The following EXOC6 variants were observed in gnomAD, a reference collection of about 807,000 sequenced individuals.
EXOC6 encodes the protein SEC15-like 1.
A neutral mutation model predicts 112.5 loss-of-function variants in EXOC6; 60 were observed. The ratio of observed to expected loss-of-function variants is 0.53; its 90% CI spans 0.43 to 0.66. EXOC6 has a LOEUF of 0.66. EXOC6 is among the 30% of genes least tolerant of loss of function. The pLI, the probability that EXOC6 is intolerant of heterozygous loss-of-function variation, is 0.00. For synonymous variants in EXOC6, 295 were observed against 308.0 expected, an observed-to-expected ratio of 0.96 and a Z score of 0.44; for missense variants, 855 against 957.1, an observed-to-expected ratio of 0.89 and a Z score of 1.41.
intron 12 of EXOC6, among the ~76,000 whole-genome samples, chr10:92,936,316 C>G (rs906012298): frequency 6.6e-6 from 1 of 152,102 alleles, no homozygotes; most frequent in Non-Finnish European, 1.5e-5. Context: ...AGCTTTAGAT[C>G]CTTATTTGTG....
intron 5 of EXOC6, among the ~76,000 whole-genome samples, chr10:92,908,728 T>C (rs1388408003): frequency 6.6e-6 from 1 of 152,226 alleles, no homozygotes; most frequent in Non-Finnish European, 1.5e-5. Context: ...AACTAAATTA[T>C]GTATATGAAA....
chr10:92,961,055 T>G (rs1400003983), intron 17 of EXOC6, among the ~76,000 whole-genome samples: 1 of 152,186 alleles, frequency 6.6e-6, no homozygotes, highest in African/African-American at 2.4e-5. Context: ...GTAGTAAAGA[T>G]AGAAATTCAG....
intron 5 of EXOC6, chr10:92,901,383 T>C (rs970246218): frequency 6.6e-6 from 1 of 151,978 alleles, no homozygotes. Flanking sequence ...GTTTTATATA[T>C]AAAGAAGAGC....
intron 1 of EXOC6, among the ~76,000 whole-genome samples, chr10:92,877,791 T>C (rs1489071718): frequency 6.6e-6 from 1 of 152,156 alleles, no homozygotes; most frequent in Admixed American, 6.5e-5. Flanking sequence ...TTGAAAAACA[T>C]TTAACAAATT....
intron 1 of EXOC6, among the ~76,000 whole-genome samples, chr10:92,853,737 C>T (rs1201526092): frequency 6.6e-6 from 1 of 151,972 alleles, no homozygotes; most frequent in Non-Finnish European, 1.5e-5. Flanking sequence ...GAAATTAACT[C>T]AAAATGAACC....
chr10:92,840,884 C>T (rs1846823378), intron 1 of EXOC6, among the ~76,000 whole-genome samples: 1 of 152,008 alleles, frequency 6.6e-6, no homozygotes, highest in Admixed American at 6.6e-5. Context: ...TCTTGAACTT[C>T]TGAACTCCAG....
At chr10:93,031,425 A>G (rs844341) in intron 20 of EXOC6, among the ~76,000 whole-genome samples, 6,390 of 150,450 alleles carry the variant, frequency 0.042, 309 homozygotes, top group African/African-American at 0.12. Flanking sequence ...ACTTGTTCTT[A>G]TCTGTGTTCT....
intron 17 of EXOC6, among the ~76,000 whole-genome samples, chr10:92,956,478 A>T (rs1035151385): frequency 6.6e-6 from 1 of 152,148 alleles, no homozygotes; most frequent in Non-Finnish European, 1.5e-5. Context: ...ATTTTATTGT[A>T]GTAACTTGCA....
At position 92,954,711 on chromosome 10, in the gene EXOC6, TA is replaced by T; in HGVS notation, c.1609del (p.Ile537LeufsTer6). ...CTTTGAGTAGCTGTTTACTGAACCT[TA>T]TTAGAAAACCTCATATAGGTTTGAC... ...RTLSSCLLNL[I>X]RKPHIGLTEL... On this transcript the variant is annotated frameshift_variant, in exon 16 of 22. Transcript: ENST00000260762. LOFTEE classifies it high-confidence loss of function. The T allele has an allele frequency of 6.3e-7, 1 of 1,597,070 alleles. No individual in the cohort carries two copies. The highest frequency in any genetic ancestry group is 8.6e-7 in the Non-Finnish European group (1 of 1,166,214).
At chr10:92,972,910 G>T (rs75022459) in intron 17 of EXOC6, among the ~76,000 whole-genome samples, 1 of 152,136 alleles carries the variant, frequency 6.6e-6, no homozygotes. Flanking sequence ...GTATGTGGCC[G>T]TTTAGATGCC....
chr10:92,865,960 A>G (rs1210402954), intron 1 of EXOC6, among the ~76,000 whole-genome samples: 1 of 151,968 alleles, frequency 6.6e-6, no homozygotes, highest in Admixed American at 6.6e-5. Context: ...CATCCTCATC[A>G]TTTTCATGTT....
At chr10:92,920,784 T>C (rs2133909859) in intron 8 of EXOC6, among the ~76,000 whole-genome samples, 1 of 152,332 alleles carries the variant, frequency 6.6e-6, no homozygotes, top group East Asian at 1.9e-4. Flanking sequence ...CAGGTGAATA[T>C]ATGTTTATAA....
At chr10:92,830,873 G>A (rs574712098), upstream of EXOC6, among the ~76,000 whole-genome samples, 2 of 152,116 alleles carry the variant, frequency 1.3e-5, no homozygotes, top group Non-Finnish European at 2.9e-5. Context: ...AGTCACACAC[G>A]CCATTCTTTT....
At chr10:92,850,272 C>T (rs911178465) in intron 1 of EXOC6, among the ~76,000 whole-genome samples, 1 of 152,172 alleles carries the variant, frequency 6.6e-6, no homozygotes, top group African/African-American at 2.4e-5. Context: ...TTGGGACACT[C>T]AGGAACAGAA....
intron 20 of EXOC6, among the ~76,000 whole-genome samples, chr10:93,051,258 C>G (rs1237681984): frequency 6.6e-6 from 1 of 151,976 alleles, no homozygotes; most frequent in African/African-American, 2.4e-5. Context: ...TACAGTTCAC[C>G]TGAGTGAAGT....
rs575360426 is a variant in EXOC6 at position 92,995,835 on chromosome 10, C to T, written c.1954-1639C>T. 3.9e-5 allele frequency among the ~76,000 whole-genome samples: 6 copies of T among 152,258 alleles called. No individual in the cohort carries two copies. In the South Asian group the frequency reaches 1.2e-3, roughly 32 times the overall value. ...CTTAAGTTTTCGATTGAGAAATTGACATTCCGTTTCACATATGCAGTTTTT... is the reference window on the plus strand; with the variant it reads ...CTTAAGTTTTCGATTGAGAAATTGATATTCCGTTTCACATATGCAGTTTTT... On this transcript the variant is annotated intron_variant, in intron 18 of 21. Transcript: ENST00000260762.
At chr10:92,991,363 G>T (rs1474612653) in intron 18 of EXOC6, among the ~76,000 whole-genome samples, 1 of 151,024 alleles carries the variant, frequency 6.6e-6, no homozygotes, top group African/African-American at 2.4e-5. Context: ...TTGAACCTGG[G>T]AGGCGGAGGT....
intron 18 of EXOC6, among the ~76,000 whole-genome samples, chr10:92,996,597 ACT>A (rs1220450865): frequency 1.6e-5 from 2 of 125,518 alleles, no homozygotes; most frequent in Non-Finnish European, 3.3e-5. Context: ...ACAGAGTGAG[ACT>A]CTGTCTCAAA....
chr10:92,905,830 A>G (rs1435807617), intron 5 of EXOC6, among the ~76,000 whole-genome samples: 1 of 152,108 alleles, frequency 6.6e-6, no homozygotes, highest in Non-Finnish European at 1.5e-5. Context: ...TGGATGAAGT[A>G]TTCTGTCAAT....
Sources: allele counts gnomAD v4.1 joint callset (sites outside exome capture counted in the v4.1 genomes callset), GRCh38; gene constraint gnomAD v4.1.1; transcripts MANE v1.5; gene names NCBI Gene and HGNC (gene_info 2026-07-23, HGNC 2026-07-21).